PAK5: variants seen among roughly 807,000 people sequenced by gnomAD.
The protein encoded by PAK5 is p21 (RAC1) activated kinase 5.
PAK5 carries 16 observed loss-of-function variants against 65.9 expected under a neutral mutation model. The ratio of observed to expected loss-of-function variants is 0.24; its 90% confidence interval spans 0.16 to 0.37. PAK5 has a LOEUF of 0.37. Among genes scored for constraint, PAK5 ranks in the 10% least tolerant of loss-of-function variants. The probability of loss-of-function intolerance (pLI) is 1.00; values close to 1 mark genes in which losing one functional copy is unlikely to be tolerated. For synonymous variants in PAK5, 371 were observed against 354.9 expected, an observed-to-expected ratio of 1.05 and a Z score of -0.51; for missense variants, 785 against 903.9, an observed-to-expected ratio of 0.87 and a Z score of 1.69.
At chr20:9,809,108 C>T (rs910609807) in intron 1 of PAK5, among the ~76,000 whole-genome samples, 1 of 151,722 alleles carries the variant, frequency 6.6e-6, no homozygotes, top group African/African-American at 2.4e-5. Flanking sequence ...AGATGGGTGC[C>T]CTTGCCAGTG....
chr20:9,736,552 G>A (rs1348791854), intron 1 of PAK5, among the ~76,000 whole-genome samples: 1 of 152,176 alleles, frequency 6.6e-6, no homozygotes, highest in Non-Finnish European at 1.5e-5. Context: ...GAGGCATGAT[G>A]TTACAGGCTG....
chr20:9,583,933 A>G (rs2081727294), intron 3 of PAK5, among the ~76,000 whole-genome samples: 1 of 152,168 alleles, frequency 6.6e-6, no homozygotes, highest in African/African-American at 2.4e-5. Flanking sequence ...GTGTTCATAA[A>G]CTAATATCCT....
chr20:9,761,807 C>T (rs1034840878), intron 1 of PAK5, among the ~76,000 whole-genome samples: 2 of 148,766 alleles, frequency 1.3e-5, no homozygotes, highest in African/African-American at 2.5e-5. Flanking sequence ...TAAATACACA[C>T]AAGAATTTTT....
chr20:9,615,667 A>AC (rs1248928974), intron 3 of PAK5, among the ~76,000 whole-genome samples: 1 of 152,008 alleles, frequency 6.6e-6, no homozygotes, highest in African/African-American at 2.4e-5. Context: ...ATAATAAATC[A>AC]CCCCCAAACA....
chr20:9,591,040 G>A (rs746113968), intron 3 of PAK5, among the ~76,000 whole-genome samples: 11 of 152,170 alleles, frequency 7.2e-5, no homozygotes, highest in Non-Finnish European at 1.2e-4. Context: ...CCATCAGTCC[G>A]TAAATTGGTT....
intron 2 of PAK5, among the ~76,000 whole-genome samples, chr20:9,649,259 G>A (rs2047173169): frequency 6.6e-6 from 1 of 152,158 alleles, no homozygotes; most frequent in African/African-American, 2.4e-5. Context: ...ATTACATAAG[G>A]TCCCTTTGTG....
intron 2 of PAK5, among the ~76,000 whole-genome samples, chr20:9,677,082 TGTGTGTTTG>T (rs1413339316): frequency 1.0e-5 from 1 of 99,416 alleles, no homozygotes; most frequent in Non-Finnish European, 2.3e-5. Context: ...TGTGTGTGTG[TGTGTGTTTG>T]TTGTTATAAT....
intron 4 of PAK5, among the ~76,000 whole-genome samples, chr20:9,567,696 C>T (rs2045705564): frequency 6.6e-6 from 1 of 152,074 alleles, no homozygotes. Flanking sequence ...GAGGGTCCAC[C>T]AACAGTCAAA....
At chr20:9,784,551 G>A (rs1478574443) in intron 1 of PAK5, 1 of 152,102 alleles carries the variant, frequency 6.6e-6, no homozygotes, top group African/African-American at 2.4e-5. Context: ...AATAGTATTT[G>A]TGGATTGAGG....
At chr20:9,803,136 C>CAAAAACAAGAAA (rs1412265062) in intron 1 of PAK5, among the ~76,000 whole-genome samples, 8 of 151,382 alleles carry the variant, frequency 5.3e-5, no homozygotes, top group African/African-American at 1.9e-4. Flanking sequence ...CAATTAAGGA[C>CAAAAACAAGAAA]AAAAACAAGA....
chr20:9,696,022 T>C lies in PAK5; in HGVS notation c.-12+15264A>G, dbSNP rs114917079. ...AATATATTTTATTTAACGTAAGATATCCAAAATATTTTTATTTCAACATAT... is the reference window on the plus strand; with the variant it reads ...AATATATTTTATTTAACGTAAGATACCCAAAATATTTTTATTTCAACATAT... On this transcript the variant is annotated intron_variant, in intron 2 of 9. Coordinates refer to ENST00000353224, the MANE Select transcript of PAK5 (RefSeq NM_177990.4). Among the ~76,000 whole-genome samples the C allele has an allele frequency of 3.9e-3, 586 of 152,144 alleles. 4 individuals carry two copies. The highest frequency in any genetic ancestry group is 0.013 in the African/African-American group (554 of 41,540).
At chr20:9,629,433 T>C (rs1299639581) in intron 3 of PAK5, among the ~76,000 whole-genome samples, 3 of 152,082 alleles carry the variant, frequency 2.0e-5, no homozygotes, top group African/African-American at 7.2e-5. Flanking sequence ...TATCCTCACA[T>C]AGCCTTTTCT....
intron 3 of PAK5, among the ~76,000 whole-genome samples, chr20:9,611,462 C>T (rs1379508057): frequency 1.3e-5 from 2 of 152,138 alleles, no homozygotes; most frequent in Non-Finnish European, 2.9e-5. Context: ...ATATGTTTCC[C>T]CATGTGTTTA....
intron 1 of PAK5, among the ~76,000 whole-genome samples, chr20:9,733,938 G>A (rs1600302282): frequency 6.6e-6 from 1 of 152,310 alleles, no homozygotes; most frequent in Non-Finnish European, 1.5e-5. Context: ...AATGATCTGT[G>A]TGGAGAGTTC....
At chr20:9,640,912 G>A (rs1374621014) in intron 3 of PAK5, among the ~76,000 whole-genome samples, 1 of 152,192 alleles carries the variant, frequency 6.6e-6, no homozygotes, top group African/African-American at 2.4e-5. Flanking sequence ...GTGAGCAGTA[G>A]CAAGATTTAT....
intron 1 of PAK5, among the ~76,000 whole-genome samples, chr20:9,735,259 G>A (rs1298441001): frequency 6.6e-6 from 1 of 152,138 alleles, no homozygotes; most frequent in Non-Finnish European, 1.5e-5. Context: ...GTACCAGAGG[G>A]GAGAGCTGGA....
chr20:9,746,601 G>C (rs1028552145), intron 1 of PAK5, among the ~76,000 whole-genome samples: 5 of 152,128 alleles, frequency 3.3e-5, no homozygotes, highest in Admixed American at 6.6e-5. Context: ...CATAAAAAAA[G>C]ATAATTATGC....
chr20:9,805,066 A>T (rs188661833), intron 1 of PAK5, among the ~76,000 whole-genome samples: 157 of 152,332 alleles, frequency 1.0e-3, no homozygotes, highest in Admixed American at 2.2e-3. Context: ...TGGACACAGA[A>T]TGTGAATAGA....
At chr20:9,733,515 G>T (rs2048356377) in intron 1 of PAK5, among the ~76,000 whole-genome samples, 1 of 151,626 alleles carries the variant, frequency 6.6e-6, no homozygotes, top group Non-Finnish European at 1.5e-5. Flanking sequence ...CACAATCTTG[G>T]TTCACTGCAA....
Sources: allele counts gnomAD v4.1 joint callset (sites outside exome capture counted in the v4.1 genomes callset), GRCh38; gene constraint gnomAD v4.1.1; transcripts MANE v1.5; gene names NCBI Gene and HGNC (gene_info 2026-07-23, HGNC 2026-07-21).